The following CNTN4 variants were observed in gnomAD, a reference collection of about 807,000 sequenced individuals.
CNTN4 encodes the protein contactin-4.
A neutral mutation model predicts 122.5 loss-of-function variants in CNTN4; 77 were observed. That is an observed-to-expected ratio of 0.63 (90% CI 0.52 to 0.76). The LOEUF is 0.76. CNTN4 is among the 30% of genes least tolerant of loss of function. The pLI, the probability that CNTN4 is intolerant of heterozygous loss-of-function variation, is 0.00. For synonymous variants in CNTN4, 512 were observed against 447.0 expected, an observed-to-expected ratio of 1.15 and a Z score of -1.83; for missense variants, 1,256 against 1,259.1, an observed-to-expected ratio of 1.00 and a Z score of 0.04.
chr3:3,035,701 C>T (rs1048998624), intron 17 of CNTN4, among the ~76,000 whole-genome samples: 4 of 152,132 alleles, frequency 2.6e-5, no homozygotes, highest in African/African-American at 7.2e-5. Flanking sequence ...AGACCACAGG[C>T]GCAGGCCCCC....
intron 7 of CNTN4, among the ~76,000 whole-genome samples, chr3:2,840,627 A>G (rs182925365): frequency 0.03 from 3,957 of 131,988 alleles, 151 homozygotes; most frequent in Non-Finnish European, 0.044. Flanking sequence ...GGAACCCGGG[A>G]GGCGGAGCTT....
intron 23 of CNTN4, among the ~76,000 whole-genome samples, chr3:3,051,482 G>A (rs1024305336): frequency 1.3e-5 from 2 of 152,166 alleles, no homozygotes; most frequent in Non-Finnish European, 2.9e-5. Flanking sequence ...CTGAGCTCTT[G>A]CAAGGACCAG....
intron 6 of CNTN4, among the ~76,000 whole-genome samples, chr3:2,810,199 A>G (rs1389483853): frequency 6.6e-6 from 1 of 152,206 alleles, no homozygotes; most frequent in Non-Finnish European, 1.5e-5. Context: ...ATTAAATGAG[A>G]ATAGTAATAG....
intron 4 of CNTN4, among the ~76,000 whole-genome samples, chr3:2,735,386 C>G (rs2089008939): frequency 6.6e-6 from 1 of 152,156 alleles, no homozygotes. Flanking sequence ...GTGGATCATT[C>G]CAGTCTTTGA....
chr3:2,317,869 T>G (rs139809901), intron 2 of CNTN4, among the ~76,000 whole-genome samples: 39 of 152,272 alleles, frequency 2.6e-4, no homozygotes, highest in African/African-American at 8.9e-4. Flanking sequence ...AAGACTAACG[T>G]CGTTTGAAAG....
chr3:2,350,977 A>G (rs1166038769), intron 3 of CNTN4, among the ~76,000 whole-genome samples: 9 of 152,212 alleles, frequency 5.9e-5, no homozygotes, highest in Non-Finnish European at 1.2e-4. Flanking sequence ...ATAGTCTGCA[A>G]TGAAAATGGC....
At position 2,841,281 on chromosome 3, in the gene CNTN4, G is replaced by C. The variant is rs2093357495; in HGVS notation, c.454+21700G>C. ...CAGATGTGTTAATATATAGTGCAAA[G>C]TTTCCAATGTAGTTAGAGTTACTAC... On this transcript the variant is annotated intron_variant, in intron 7 of 24. Coordinates refer to ENST00000418658, the MANE Select transcript of CNTN4 (RefSeq NM_175607.3). This position sits in a 1 kb window ranked among gnomAD's most constrained non-coding sequence, Gnocchi z 4.8. 4.6e-5 allele frequency among the ~76,000 whole-genome samples: 7 copies of C among 152,270 alleles called. No individual in the cohort carries two copies. In the South Asian group the frequency reaches 1.4e-3, roughly 32 times the overall value.
chr3:2,521,352 C>CA (rs61070664), intron 3 of CNTN4, among the ~76,000 whole-genome samples: 7 of 32,638 alleles, frequency 2.1e-4, no homozygotes, highest in African/African-American at 7.8e-4. Flanking sequence ...ATCCCCCCCA[C>CA]CCCCCGCAAT....
intron 3 of CNTN4, among the ~76,000 whole-genome samples, chr3:2,519,193 G>C (rs961144025): frequency 6.6e-6 from 1 of 152,140 alleles, no homozygotes; most frequent in Non-Finnish European, 1.5e-5. Flanking sequence ...TGTGTTTCAA[G>C]TGTCTTTAGC....
intron 4 of CNTN4, among the ~76,000 whole-genome samples, chr3:2,728,691 A>G (rs940853491): frequency 6.6e-5 from 10 of 152,218 alleles, no homozygotes; most frequent in Admixed American, 3.3e-4. Context: ...CATAACGCAA[A>G]AAGCTACCTA....
chr3:2,393,092 C>T (rs990791204), intron 3 of CNTN4, among the ~76,000 whole-genome samples: 2 of 152,154 alleles, frequency 1.3e-5, no homozygotes, highest in African/African-American at 4.8e-5. Context: ...CTGTTCCATC[C>T]TATTCTTCTA....
intron 2 of CNTN4, among the ~76,000 whole-genome samples, chr3:2,328,802 T>G (rs978680804): frequency 2.0e-5 from 3 of 152,182 alleles, no homozygotes; most frequent in Admixed American, 2.0e-4. Flanking sequence ...AGGAGTCACA[T>G]GTAAATACGA....
At chr3:2,374,850 C>G (rs891584300) in intron 3 of CNTN4, among the ~76,000 whole-genome samples, 1 of 152,124 alleles carries the variant, frequency 6.6e-6, no homozygotes, top group Admixed American at 6.5e-5. Context: ...CAATGCTAAT[C>G]ACGTGTCACT....
intron 14 of CNTN4, among the ~76,000 whole-genome samples, chr3:3,011,889 G>A (rs564187030): frequency 6.6e-6 from 1 of 151,092 alleles, no homozygotes; most frequent in African/African-American, 2.4e-5. Context: ...TGATGATGAT[G>A]GTGATGATGA....
chr3:2,745,807 A>C, intron 6 of CNTN4, 110 bp downstream of exon 6: 3 of 950,564 alleles, frequency 3.2e-6, no homozygotes, highest in Non-Finnish European at 5.0e-6. Context: ...AATTGGTTAC[A>C]TGATCATCTT....
intron 3 of CNTN4, among the ~76,000 whole-genome samples, chr3:2,361,309 G>C (rs994013927): frequency 2.0e-5 from 3 of 152,124 alleles, no homozygotes; most frequent in African/African-American, 7.2e-5. Context: ...TTTCAACCAG[G>C]GGCAATTTTG....
intron 13 of CNTN4, among the ~76,000 whole-genome samples, chr3:2,931,617 T>G (rs1213943032): frequency 6.6e-6 from 1 of 152,162 alleles, no homozygotes; most frequent in Non-Finnish European, 1.5e-5. Flanking sequence ...TGTATTAACT[T>G]TTAATTGTTT....
intron 14 of CNTN4, among the ~76,000 whole-genome samples, chr3:3,020,311 C>T (rs1698172482): frequency 6.6e-6 from 1 of 152,208 alleles, no homozygotes; most frequent in African/African-American, 2.4e-5. Flanking sequence ...TAGTCCGTGA[C>T]TCCCAGAAAG....
intron 3 of CNTN4, among the ~76,000 whole-genome samples, chr3:2,529,164 A>T (rs573189662): frequency 3.5e-4 from 54 of 152,224 alleles, no homozygotes; most frequent in Admixed American, 1.1e-3. Flanking sequence ...CTAGGAGATC[A>T]ACTTTTCTTA....
Sources: gnomAD v4.1 joint callset for allele counts (sites outside exome capture counted in the v4.1 genomes callset) on GRCh38, gnomAD v4.1.1 for gene constraint, Gnocchi (gnomAD v3.1) non-coding constraint, MANE v1.5 for transcripts, NCBI Gene and HGNC (gene_info 2026-07-23, HGNC 2026-07-21) for gene names.